TSPAN18: variants seen among roughly 807,000 people sequenced by gnomAD.
TSPAN18 encodes the protein tetraspanin-18.
TSPAN18 carries 14 observed loss-of-function variants against 27.3 expected under a neutral mutation model. That is an observed-to-expected ratio of 0.51 (90% CI 0.34 to 0.80). The LOEUF (loss-of-function observed/expected upper bound fraction) is 0.80, where lower values mean the gene tolerates loss of function less well. TSPAN18 is among the 30% of genes least tolerant of loss of function. The pLI, the probability that TSPAN18 is intolerant of heterozygous loss-of-function variation, is 0.01. For missense variants in TSPAN18, 268 were observed against 323.9 expected, an observed-to-expected ratio of 0.83 and a Z score of 1.32; for synonymous variants, 143 against 136.5, an observed-to-expected ratio of 1.05 and a Z score of -0.33.
chr11:44,770,425 C>T (rs940298371), intron 2 of TSPAN18, among the ~76,000 whole-genome samples: 1 of 152,062 alleles, frequency 6.6e-6, no homozygotes, highest in African/African-American at 2.4e-5. Context: ...TTTGAGGGAA[C>T]AGCAAGGGTA....
chr11:44,786,842 G>A (rs956002381), intron 2 of TSPAN18, among the ~76,000 whole-genome samples: 2 of 152,020 alleles, frequency 1.3e-5, no homozygotes, highest in Non-Finnish European at 1.5e-5. Context: ...ATGTTGGCCA[G>A]GCTGGTCTTG....
intron 3 of TSPAN18, among the ~76,000 whole-genome samples, chr11:44,905,354 C>T (rs1051081726): frequency 6.6e-6 from 1 of 152,188 alleles, no homozygotes; most frequent in Non-Finnish European, 1.5e-5. Context: ...TACAAACCCC[C>T]TGCTGGAAGC....
intron 1 of TSPAN18, among the ~76,000 whole-genome samples, chr11:44,728,113 C>A (rs982013397): frequency 6.6e-6 from 1 of 152,210 alleles, no homozygotes; most frequent in Non-Finnish European, 1.5e-5. Context: ...AGACACCCAA[C>A]TTACGCGGGG....
chr11:44,902,010 C>T (rs550572495), intron 3 of TSPAN18, among the ~76,000 whole-genome samples: 68 of 152,330 alleles, frequency 4.5e-4, no homozygotes, highest in Non-Finnish European at 2.4e-4. Flanking sequence ...TTCCAAAGGG[C>T]ACAGGGTGAC....
intron 2 of TSPAN18, among the ~76,000 whole-genome samples, chr11:44,786,295 C>G (rs1590465078): frequency 6.6e-6 from 1 of 152,310 alleles, no homozygotes; most frequent in Middle Eastern, 3.4e-3. Flanking sequence ...ACAGCAGGAG[C>G]TTCCTTTCTG....
chr11:44,790,580 G>T (rs1465004971), intron 2 of TSPAN18, among the ~76,000 whole-genome samples: 1 of 151,564 alleles, frequency 6.6e-6, no homozygotes, highest in Non-Finnish European at 1.5e-5. Context: ...GTGTGCATGT[G>T]TGTGCATGTG....
intron 5 of TSPAN18, among the ~76,000 whole-genome samples, chr11:44,914,187 A>G (rs1859822868): frequency 6.6e-6 from 1 of 152,212 alleles, no homozygotes; most frequent in Admixed American, 6.5e-5. Flanking sequence ...GTATGCATTT[A>G]TTTGCCAATA....
At chr11:44,853,715 C>T (rs1259644213) in intron 2 of TSPAN18, among the ~76,000 whole-genome samples, 4 of 152,186 alleles carry the variant, frequency 2.6e-5, no homozygotes, top group Admixed American at 2.6e-4. Context: ...CACAGGCCTG[C>T]AGGAGCCTGT....
intron 8 of TSPAN18, among the ~76,000 whole-genome samples, chr11:44,921,435 C>T: frequency 6.6e-6 from 1 of 152,194 alleles, no homozygotes; most frequent in East Asian, 1.9e-4. Context: ...ACCCCATGAC[C>T]ACCAGCTAGA....
chr11:44,905,632 T>A (rs138884439), intron 3 of TSPAN18, among the ~76,000 whole-genome samples: 39 of 152,318 alleles, frequency 2.6e-4, no homozygotes, highest in African/African-American at 9.1e-4. Flanking sequence ...TGGGGGACAT[T>A]TGCATCTCAG....
rs774906174 is a variant in TSPAN18 at position 44,930,946 on chromosome 11, A to T, written c.*1768A>T. ...CCCTCAGGCTTTCCAGTCACCAGGG[A>T]CACTCGGAGCCACAGCCTAGAGCCC... On this transcript the variant is annotated 3_prime_UTR_variant, in exon 10 of 10. Coordinates refer to ENST00000520358, the MANE Select transcript of TSPAN18 (RefSeq NM_130783.5). 27 of 512,528 alleles carry T rather than the reference A, an allele frequency of 5.3e-5. No individual in the cohort carries two copies. Among genetic ancestry groups the T allele is most frequent in the South Asian group, 3.2e-4 (22 of 68,080 alleles). 31.7% of individuals were successfully genotyped at this position (512,528 alleles called of 1,614,324 possible).
At chr11:44,897,946 G>A in intron 3 of TSPAN18, 1 of 1,020,326 alleles carries the variant, frequency 9.8e-7, no homozygotes, top group South Asian at 1.3e-5. Context: ...GTCTCCTTCG[G>A]TCTTTCCCTC....
intron 1 of TSPAN18, among the ~76,000 whole-genome samples, chr11:44,738,613 T>A (rs1327344783): frequency 1.3e-5 from 2 of 152,248 alleles, no homozygotes; most frequent in African/African-American, 4.8e-5. Context: ...GGCTTGCGGA[T>A]GGCCACTTTC....
At chr11:44,854,373 A>T (rs2135196584) in intron 2 of TSPAN18, among the ~76,000 whole-genome samples, 1 of 152,230 alleles carries the variant, frequency 6.6e-6, no homozygotes, top group South Asian at 2.1e-4. Flanking sequence ...TCCCTCTCAG[A>T]ACAGAACATG....
At position 44,931,151 on chromosome 11, in the gene TSPAN18, G is replaced by A; in HGVS notation, c.*1973G>A. The A allele has an allele frequency of 2.8e-6, 1 of 351,692 alleles. No individual in the cohort carries two copies. The highest frequency in any genetic ancestry group is 3.7e-5 in the Admixed American group (1 of 26,762). 21.8% of individuals were successfully genotyped at this position (351,692 alleles called of 1,614,324 possible). On this transcript the variant is annotated 3_prime_UTR_variant, in exon 10 of 10. Coordinates refer to ENST00000520358, the MANE Select transcript of TSPAN18 (RefSeq NM_130783.5). ...ATTCGCCCTTTAACAGCTTGCTCTG[G>A]CAACCCCATAAATGACACCTGAGGT...
At chr11:44,830,233 C>T (rs1432113105) in intron 2 of TSPAN18, among the ~76,000 whole-genome samples, 4 of 152,220 alleles carry the variant, frequency 2.6e-5, no homozygotes, top group Non-Finnish European at 5.9e-5. Context: ...GTGTTCAATG[C>T]AGATACATCT....
chr11:44,901,332 G>A (rs987515916), intron 3 of TSPAN18: 1 of 152,206 alleles, frequency 6.6e-6, no homozygotes, highest in African/African-American at 2.4e-5. Context: ...CAATGAATGT[G>A]GTACACAATA....
intron 5 of TSPAN18, among the ~76,000 whole-genome samples, chr11:44,917,109 A>G (rs909948379): frequency 3.3e-5 from 5 of 152,204 alleles, no homozygotes; most frequent in African/African-American, 9.6e-5. Context: ...GCTGAGTGAC[A>G]GCCCCTGTGC....
chr11:44,792,216 C>T (rs552527334), intron 2 of TSPAN18, among the ~76,000 whole-genome samples: 5 of 151,896 alleles, frequency 3.3e-5, no homozygotes, highest in Non-Finnish European at 5.9e-5. Context: ...TGAGTGATGC[C>T]GGGGGAAGCT....
Sources: gnomAD v4.1 joint callset for allele counts (sites outside exome capture counted in the v4.1 genomes callset) on GRCh38, gnomAD v4.1.1 for gene constraint, MANE v1.5 for transcripts, NCBI Gene and HGNC (gene_info 2026-07-23, HGNC 2026-07-21) for gene names.